PCDH11X: variants seen among roughly 807,000 people sequenced by gnomAD.
PCDH11X encodes the protein protocadherin-11 X-linked.
A neutral mutation model predicts 53.3 loss-of-function variants in PCDH11X; 18 were observed. That is an observed-to-expected ratio of 0.34 (90% CI 0.23 to 0.50). The LOEUF is 0.50. Ranked by LOEUF, PCDH11X falls within the 20% of genes least tolerant of loss-of-function variation. PCDH11X has a pLI of 0.98. For missense variants in PCDH11X, 570 were observed against 1,032.4 expected (o/e 0.55, Z 6.14); for synonymous variants, 279 against 393.3 (o/e 0.71, Z 3.44).
At chrX:92,516,944 T>C (rs146212015) in intron 10 of PCDH11X, among the ~76,000 whole-genome samples, 1,984 of 112,298 alleles carry the variant, frequency 0.018, 47 homozygotes, top group African/African-American at 0.061. Context: ...TGATCTATGA[T>C]AGGCACGACT....
chrX:92,305,052 C>T (rs2068796887), intron 8 of PCDH11X, among the ~76,000 whole-genome samples: 1 of 111,114 alleles, frequency 9.0e-6, no homozygotes, highest in Non-Finnish European at 1.9e-5. Flanking sequence ...ATCTGTCTAC[C>T]CACAGCCAAT....
intron 7 of PCDH11X, among the ~76,000 whole-genome samples, chrX:92,249,825 C>A (rs777742843): frequency 9.0e-6 from 1 of 111,470 alleles, no homozygotes; most frequent in African/African-American, 3.3e-5. Context: ...TTCCAAGATG[C>A]AGGATTCGTA....
At chrX:91,974,554 G>A (rs1195553565) in intron 6 of PCDH11X, among the ~76,000 whole-genome samples, 1 of 110,306 alleles carries the variant, frequency 9.1e-6, no homozygotes, top group Non-Finnish European at 1.9e-5. Context: ...TCAAGGAATC[G>A]TAAGGTGTTC....
rs1053028633 is a variant in PCDH11X, at chrX:92,270,275, G to A, written c.3144+7132G>A. ...ATTACAGGCGCCCACCACCAAGCCCGGCTAGTTGTTTTTTGTGTGTGTGTT... is the reference window on the plus strand; with the variant it reads ...ATTACAGGCGCCCACCACCAAGCCCAGCTAGTTGTTTTTTGTGTGTGTGTT... On this transcript the variant is annotated intron_variant, in intron 8 of 10. Transcript: ENST00000682573. Among the ~76,000 whole-genome samples the A allele has an allele frequency of 3.4e-4, 37 of 109,494 alleles. 1 individual carries two copies. Among genetic ancestry groups the A allele is most frequent in the African/African-American group, 1.2e-3 (35 of 30,034 alleles).
chrX:92,112,378 T>C (rs1274256380), intron 6 of PCDH11X, among the ~76,000 whole-genome samples: 1 of 109,642 alleles, frequency 9.1e-6, no homozygotes, highest in African/African-American at 3.3e-5. Flanking sequence ...CCTACTGTTT[T>C]AAATTTTTGA....
chrX:91,781,020 T>A (rs777184133), intron 1 of PCDH11X, among the ~76,000 whole-genome samples: 2 of 112,253 alleles, frequency 1.8e-5, no homozygotes, highest in Non-Finnish European at 3.8e-5. Flanking sequence ...AGGCTGCTCA[T>A]GTGAAGCGCT....
intron 9 of PCDH11X, among the ~76,000 whole-genome samples, chrX:92,428,446 G>A (rs1038075747): frequency 2.7e-4 from 30 of 110,701 alleles, no homozygotes; most frequent in Non-Finnish European, 5.1e-4. Context: ...GCCCTTTTCC[G>A]GTGTCCCTCT....
intron 6 of PCDH11X, among the ~76,000 whole-genome samples, chrX:92,119,506 T>C (rs2064710293): frequency 1.8e-5 from 2 of 110,899 alleles, no homozygotes; most frequent in Non-Finnish European, 3.8e-5. Context: ...AGTACATTAT[T>C]GGGTATAGAT....
At chrX:92,375,854 C>T (rs2070742009) in intron 8 of PCDH11X, among the ~76,000 whole-genome samples, 1 of 111,596 alleles carries the variant, frequency 9.0e-6, no homozygotes, top group African/African-American at 3.3e-5. Flanking sequence ...GAACTCCTGA[C>T]CTTGTGATCC....
chrX:91,923,208 G>T (rs927238401), intron 6 of PCDH11X, among the ~76,000 whole-genome samples: 1 of 98,310 alleles, frequency 1.0e-5, no homozygotes, highest in African/African-American at 3.8e-5. Context: ...TTGACAAGGG[G>T]TGGACGTGTG....
intron 9 of PCDH11X, among the ~76,000 whole-genome samples, chrX:92,461,719 C>A (rs1569490952): frequency 9.0e-6 from 1 of 110,725 alleles, no homozygotes; most frequent in Non-Finnish European, 1.9e-5. Context: ...GGGATCACAG[C>A]AAGTTAAAAA....
intron 6 of PCDH11X, among the ~76,000 whole-genome samples, chrX:92,192,986 G>T (rs1337462732): frequency 9.0e-6 from 1 of 111,689 alleles, no homozygotes. Flanking sequence ...TGATCCACCT[G>T]CCTCTGCCTC....
intron 8 of PCDH11X, among the ~76,000 whole-genome samples, chrX:92,345,857 C>A (rs2069881148): frequency 9.4e-6 from 1 of 106,749 alleles, no homozygotes. Flanking sequence ...CACCCCTGAG[C>A]ACATATCAGA....
intron 6 of PCDH11X, among the ~76,000 whole-genome samples, chrX:92,103,225 G>C (rs2064299925): frequency 9.0e-6 from 1 of 110,742 alleles, no homozygotes; most frequent in Non-Finnish European, 1.9e-5. Flanking sequence ...CCTAATAAGG[G>C]AACTGGGCAG....
chrX:92,250,696 A>G (rs1000867252), intron 7 of PCDH11X, among the ~76,000 whole-genome samples: 1 of 108,413 alleles, frequency 9.2e-6, no homozygotes, highest in Non-Finnish European at 1.9e-5. Context: ...GAAACATGCT[A>G]CAATATGGAT....
intron 10 of PCDH11X, among the ~76,000 whole-genome samples, chrX:92,595,229 G>A (rs1925468448): frequency 9.2e-6 from 1 of 108,574 alleles, no homozygotes; most frequent in Non-Finnish European, 1.9e-5. Context: ...TAGGAGTCCT[G>A]CCATGTGGTA....
chrX:92,008,999 G>A (rs773305859), intron 6 of PCDH11X, among the ~76,000 whole-genome samples: 5 of 111,932 alleles, frequency 4.5e-5, no homozygotes, highest in South Asian at 3.7e-4. Context: ...AAAATAAAAC[G>A]AGCAAACTCA....
chrX:91,836,022 T>G lies in PCDH11X; in HGVS notation c.518T>G (p.Val173Gly). ...AVDPDVGING[V>G]QNYELIKSQN... ...GATCCTGACGTAGGAATAAACGGAG[T>G]TCAAAACTACGAACTAATTAAGGTG... is the stretch of plus-strand genomic sequence containing the variant. Residue 173 changes from valine (V) to glycine (G), a missense_variant, in exon 5 of 11, where the codon GTT (valine) becomes GGT (glycine). Coordinates refer to ENST00000682573, the MANE Select transcript of PCDH11X (RefSeq NM_032968.5). 2 of 1,210,982 alleles carry G rather than the reference T, an allele frequency of 1.7e-6. No individual in the cohort carries two copies. Among genetic ancestry groups the G allele is most frequent in the Non-Finnish European group, 2.2e-6 (2 of 895,307 alleles).
intron 6 of PCDH11X, among the ~76,000 whole-genome samples, chrX:91,973,722 C>G (rs1340665277): frequency 2.0e-5 from 2 of 101,985 alleles, no homozygotes; most frequent in East Asian, 3.1e-4. Context: ...TCAAGCAATT[C>G]TCCTGCCTCA....
Sources: allele counts gnomAD v4.1 joint callset (sites outside exome capture counted in the v4.1 genomes callset), GRCh38; gene constraint gnomAD v4.1.1; transcripts MANE v1.5; gene names NCBI Gene and HGNC (gene_info 2026-07-23, HGNC 2026-07-21).